The following ZSCAN25 variants were observed in gnomAD, a reference collection of about 807,000 sequenced individuals.
ZSCAN25 encodes the protein zinc finger and SCAN domain containing 25.
A neutral mutation model predicts 38.7 loss-of-function variants in ZSCAN25; 27 were observed. The observed-to-expected ratio is 0.70, with a 90% CI of 0.51 to 0.96. The LOEUF is 0.96. Ranked by LOEUF, ZSCAN25 falls within the 40% of genes least tolerant of loss-of-function variation. ZSCAN25 has a pLI of 0.00. For synonymous variants in ZSCAN25, 273 were observed against 277.7 expected, an observed-to-expected ratio of 0.98 and a Z score of 0.17; for missense variants, 637 against 705.9, an observed-to-expected ratio of 0.90 and a Z score of 1.11.
chr7:99,655,769 T>G, the ZSCAN25 span, among the ~76,000 whole-genome samples: 78 of 152,352 alleles, frequency 5.1e-4, no homozygotes, highest in African/African-American at 1.4e-3. Flanking sequence ...CAGTGGTTTG[T>G]AATTCTCCTT....
chr7:99,639,005 T>A, the ZSCAN25 span, among the ~76,000 whole-genome samples: 1 of 152,226 alleles, frequency 6.6e-6, no homozygotes, highest in Non-Finnish European at 1.5e-5. Context: ...GCCGCCGTCC[T>A]GCTGAGGCAC....
intron 7 of ZSCAN25, among the ~76,000 whole-genome samples, chr7:99,628,425 C>T (rs1017658820): frequency 3.6e-4 from 55 of 152,158 alleles, no homozygotes; most frequent in African/African-American, 1.2e-3. Context: ...TTCTGTTACT[C>T]TTCCATAAAC....
At chr7:99,695,414 A>G in the ZSCAN25 span, among the ~76,000 whole-genome samples, 1 of 152,184 alleles carries the variant, frequency 6.6e-6, no homozygotes. Flanking sequence ...TCTTAATACT[A>G]ACTAAATATG....
chr7:99,634,823 A>G (rs1808205237), downstream of ZSCAN25, among the ~76,000 whole-genome samples: 2 of 150,706 alleles, frequency 1.3e-5, no homozygotes, highest in African/African-American at 4.9e-5. Flanking sequence ...AAAATTAGCC[A>G]AGCGTGGTGG....
At chr7:99,617,563 A>G (rs1369641700) in intron 1 of ZSCAN25, among the ~76,000 whole-genome samples, 1 of 151,998 alleles carries the variant, frequency 6.6e-6, no homozygotes, top group Non-Finnish European at 1.5e-5. Context: ...CCTGGGCAAC[A>G]TGGGGAGACC....
At chr7:99,709,721 T>C in the ZSCAN25 span, among the ~76,000 whole-genome samples, 1 of 152,178 alleles carries the variant, frequency 6.6e-6, no homozygotes, top group Non-Finnish European at 1.5e-5. Context: ...CATAACTCTT[T>C]TTGTTATATA....
At position 99,629,064 on chromosome 7, in the gene ZSCAN25, G is replaced by A; in HGVS notation, c.806-127G>A. On this transcript the variant is annotated intron_variant, in intron 7 of 7. Transcript: ENST00000394152. The surrounding 1 kb of genome is among the most constrained non-coding windows in gnomAD (Gnocchi z 5.6). ...GGAAAAAGAAGTAAGGAAAGCCTGAGTTGAGGTTGTTGGTCAAAGGAAAAA... is the reference window on the plus strand; with the variant it reads ...GGAAAAAGAAGTAAGGAAAGCCTGAATTGAGGTTGTTGGTCAAAGGAAAAA... 1 of 1,315,738 alleles carries A rather than the reference G, an allele frequency of 7.6e-7. No homozygotes were observed. Among genetic ancestry groups the A allele is most frequent in the Admixed American group, 2.7e-5 (1 of 36,424 alleles). 81.5% of individuals were successfully genotyped at this position (1,315,738 alleles called of 1,614,324 possible). A position where few individuals can be genotyped will look rare whatever the true frequency, so the allele number is the denominator to read the frequency against.
the ZSCAN25 span, among the ~76,000 whole-genome samples, chr7:99,668,495 T>G: frequency 9.2e-5 from 14 of 152,360 alleles, no homozygotes; most frequent in Non-Finnish European, 1.8e-4. Flanking sequence ...ATTTTTTTTG[T>G]AATTTTGTAA....
At chr7:99,643,429 CT>C in the ZSCAN25 span, among the ~76,000 whole-genome samples, 11 of 151,084 alleles carry the variant, frequency 7.3e-5, no homozygotes, top group East Asian at 1.9e-4. Context: ...GCTGCCCCCC[CT>C]TTTTTTTTCA....
At chr7:99,646,465 T>C in the ZSCAN25 span, among the ~76,000 whole-genome samples, 1 of 152,228 alleles carries the variant, frequency 6.6e-6, no homozygotes, top group African/African-American at 2.4e-5. Flanking sequence ...TTACTGAATT[T>C]GTTTATCAGT....
chr7:99,697,398 C>T, the ZSCAN25 span, among the ~76,000 whole-genome samples: 1 of 152,124 alleles, frequency 6.6e-6, no homozygotes, highest in Non-Finnish European at 1.5e-5. Context: ...TCAACTCAAC[C>T]GTGAATCTGC....
the ZSCAN25 span, among the ~76,000 whole-genome samples, chr7:99,698,090 A>G: frequency 1.3e-5 from 2 of 149,050 alleles, no homozygotes; most frequent in African/African-American, 4.9e-5. Context: ...CTGGTAGAGT[A>G]ATACCACTTT....
the ZSCAN25 span, among the ~76,000 whole-genome samples, chr7:99,705,891 C>T: frequency 4.6e-5 from 7 of 152,094 alleles, no homozygotes; most frequent in East Asian, 3.8e-4. Context: ...TAAATTTTAA[C>T]GAAAATGGAT....
chr7:99,629,373 G>T lies in ZSCAN25; in HGVS notation c.988G>T (p.Gly330Cys). ...GCCTGGGCTTCCTCCTCCCCAGCAC[G>T]GTGCCATCCCCCTGCCTGACGAAGT... ...SAPGLPPPQHGAIPLPDEVKT... is the reference protein window; with the variant it reads ...SAPGLPPPQHCAIPLPDEVKT... The change falls in exon 8 of 8, where the codon GGT (glycine) becomes TGT (cysteine). Residue 330 changes from glycine (G) to cysteine (C), a missense_variant. Physicochemically the swap from Gly to Cys is radical, Grantham distance 159. Transcript: ENST00000394152. This position sits in a 1 kb window ranked among gnomAD's most constrained non-coding sequence, Gnocchi z 5.6. 6.2e-7 allele frequency: 1 copy of T among 1,614,124 alleles called. No individual in the cohort carries two copies. Among genetic ancestry groups the T allele is most frequent in the Non-Finnish European group, 8.5e-7 (1 of 1,180,020 alleles).
the ZSCAN25 span, among the ~76,000 whole-genome samples, chr7:99,655,117 C>T: frequency 2.0e-5 from 3 of 152,120 alleles, no homozygotes; most frequent in Admixed American, 2.0e-4. Flanking sequence ...CTTTTGTTGC[C>T]ATTGCTTTTG....
the ZSCAN25 span, chr7:99,715,964 A>G: frequency 3.1e-6 from 5 of 1,611,560 alleles, no homozygotes; most frequent in African/African-American, 6.7e-5. Context: ...TCCTTCCTCT[A>G]TGCGTGCAGC....
the ZSCAN25 span, among the ~76,000 whole-genome samples, chr7:99,730,276 A>C: frequency 6.6e-6 from 1 of 152,312 alleles, no homozygotes; most frequent in East Asian, 1.9e-4. Context: ...GTGATTTTGC[A>C]TGTGATTCTG....
chr7:99,688,101 A>G, the ZSCAN25 span, among the ~76,000 whole-genome samples: 1 of 152,252 alleles, frequency 6.6e-6, no homozygotes, highest in Non-Finnish European at 1.5e-5. Flanking sequence ...GGCTAGGAAA[A>G]AAATGCATCA....
At chr7:99,620,037 A>C (rs747425919) in intron 4 of ZSCAN25, 44 bp downstream of exon 4, 1 of 1,547,776 alleles carries the variant, frequency 6.5e-7, no homozygotes. Flanking sequence ...TGGCGTGGGC[A>C]GGGAATGTTA....
Sources: gnomAD v4.1 joint callset for allele counts (sites outside exome capture counted in the v4.1 genomes callset) on GRCh38, gnomAD v4.1.1 for gene constraint, Gnocchi (gnomAD v3.1) non-coding constraint, MANE v1.5 for transcripts, NCBI Gene and HGNC (gene_info 2026-07-23, HGNC 2026-07-21) for gene names.